Variants in TENM1 observed in about 807,000 individuals in gnomAD.
TENM1 encodes the protein teneurin-1.
TENM1 carries 35 observed loss-of-function variants against 174.8 expected under a neutral mutation model. The ratio of observed to expected loss-of-function variants is 0.20; its 90% CI spans 0.15 to 0.27. The LOEUF is 0.27. Ranked by LOEUF, TENM1 falls within the 10% of genes least tolerant of loss-of-function variation. TENM1 has a pLI of 1.00. For synonymous variants in TENM1, 781 were observed against 798.7 expected (o/e 0.98, Z 0.37); for missense variants, 1,633 against 2,130.1 (o/e 0.77, Z 4.59).
intron 11 of TENM1, among the ~76,000 whole-genome samples, chrX:124,608,700 A>G (rs2050214191): frequency 9.0e-6 from 1 of 111,070 alleles, no homozygotes; most frequent in Admixed American, 9.6e-5. Context: ...TTTGAGCAGA[A>G]GAGAAATCTC....
chrX:125,169,011 C>T, the TENM1 span, among the ~76,000 whole-genome samples: 8 of 110,414 alleles, frequency 7.2e-5, no homozygotes, highest in South Asian at 1.1e-3. Context: ...TGTGTGCGCA[C>T]GCAGATCATA....
At chrX:125,150,204 A>T in the TENM1 span, among the ~76,000 whole-genome samples, 2 of 112,126 alleles carry the variant, frequency 1.8e-5, no homozygotes. Context: ...CATGCAGACT[A>T]CGCTTACATG....
intron 3 of TENM1, among the ~76,000 whole-genome samples, chrX:124,777,182 C>T (rs2054805077): frequency 9.0e-6 from 1 of 111,357 alleles, no homozygotes; most frequent in Non-Finnish European, 1.9e-5. Context: ...AAATAAAACT[C>T]CTGTATACTA....
At chrX:124,794,498 T>G (rs1435861036) in intron 3 of TENM1, among the ~76,000 whole-genome samples, 1 of 111,245 alleles carries the variant, frequency 9.0e-6, no homozygotes, top group Non-Finnish European at 1.9e-5. Context: ...CACATTCTAT[T>G]GGTTTCCTTC....
At chrX:125,120,707 T>C in the TENM1 span, among the ~76,000 whole-genome samples, 11 of 111,799 alleles carry the variant, frequency 9.8e-5, no homozygotes, top group South Asian at 2.6e-3. Flanking sequence ...TCATAATTAT[T>C]GACATCATCT....
chrX:124,760,480 C>T (rs971401524), intron 3 of TENM1, among the ~76,000 whole-genome samples: 37 of 111,266 alleles, frequency 3.3e-4, no homozygotes, highest in African/African-American at 1.2e-3. Flanking sequence ...AGGAGTGGTG[C>T]GAGAGGGCAT....
chrX:124,613,647 C>A (rs2050329964), intron 11 of TENM1, among the ~76,000 whole-genome samples: 1 of 111,318 alleles, frequency 9.0e-6, no homozygotes, highest in Admixed American at 9.6e-5. Context: ...TTGGTAATAT[C>A]TCATTTGATA....
chrX:124,536,846 C>T (rs2048216821), intron 15 of TENM1, among the ~76,000 whole-genome samples: 1 of 111,904 alleles, frequency 8.9e-6, no homozygotes, highest in African/African-American at 3.2e-5. Context: ...GCTTGTTCTA[C>T]ACATGACTCA....
chrX:124,465,764 C>T (rs1233043851), intron 22 of TENM1, among the ~76,000 whole-genome samples: 2 of 109,958 alleles, frequency 1.8e-5, no homozygotes, highest in Non-Finnish European at 3.8e-5. Context: ...TGCGAATCCC[C>T]GTGGTATTTA....
At chrX:124,524,708 G>A (rs144272296) in intron 16 of TENM1, among the ~76,000 whole-genome samples, 1 of 111,805 alleles carries the variant, frequency 8.9e-6, no homozygotes, top group East Asian at 2.8e-4. Context: ...AGCCAGCTCT[G>A]TCTATCTCTA....
chrX:124,380,325 C>T (rs1231807290), exon 32 of TENM1: 2 of 361,349 alleles, frequency 5.5e-6, no homozygotes, highest in Non-Finnish European at 9.3e-6. Flanking sequence ...TTGAATACTG[C>T]CACACAAGAA....
At position 124,738,083 on chromosome X, in the gene TENM1, AC is replaced by A. The variant is rs2053718863; in HGVS notation, c.536-887del. ...GGCCCATGAGAAATACCTCAATTAAACCCCTTTAAAAAGAAATCACTATTGT... is the reference window on the plus strand; with the variant it reads ...GGCCCATGAGAAATACCTCAATTAAACCCTTTAAAAAGAAATCACTATTGT... On this transcript the variant is annotated intron_variant, in intron 3 of 31. Transcript: ENST00000422452. Among the ~76,000 whole-genome samples the A allele has an allele frequency of 8.1e-5, 9 of 111,440 alleles. No individual in the cohort carries two copies. The South Asian group carries it at 3.4e-3, about 42-fold the overall frequency.
chrX:125,129,184 T>C, the TENM1 span, among the ~76,000 whole-genome samples: 1 of 112,092 alleles, frequency 8.9e-6, no homozygotes, highest in African/African-American at 3.2e-5. Context: ...CTCAGACGTC[T>C]AGACTCCAGA....
chrX:125,058,984 TCATCA>T, the TENM1 span, among the ~76,000 whole-genome samples: 11 of 92,503 alleles, frequency 1.2e-4, no homozygotes, highest in Non-Finnish European at 1.8e-4. Flanking sequence ...ATTTTCATCA[TCATCA>T]CACACACACA....
chrX:124,583,679 G>A (rs1417967869), intron 11 of TENM1, among the ~76,000 whole-genome samples: 1 of 112,400 alleles, frequency 8.9e-6, no homozygotes, highest in African/African-American at 3.2e-5. Flanking sequence ...GAACAAAGCT[G>A]GATGGAGAAT....
intron 15 of TENM1, among the ~76,000 whole-genome samples, chrX:124,545,736 T>C (rs1423852860): frequency 9.0e-6 from 1 of 111,695 alleles, no homozygotes; most frequent in Admixed American, 9.5e-5. Flanking sequence ...CTGGAAGAAA[T>C]ACTTCAAAAT....
chrX:124,563,053 A>T (rs1299186141), intron 13 of TENM1, among the ~76,000 whole-genome samples: 1 of 112,059 alleles, frequency 8.9e-6, no homozygotes, highest in Non-Finnish European at 1.9e-5. Flanking sequence ...ATGGCATATG[A>T]TAAACATACA....
upstream of TENM1, among the ~76,000 whole-genome samples, chrX:124,967,217 C>A (rs1211963175): frequency 9.0e-6 from 1 of 111,023 alleles, no homozygotes; most frequent in Non-Finnish European, 1.9e-5. Flanking sequence ...ATAACATGAT[C>A]TTCAGGAGAT....
chrX:124,688,192 T>TTCCTC (rs1205994764), intron 5 of TENM1, among the ~76,000 whole-genome samples: 73 of 105,565 alleles, frequency 6.9e-4, no homozygotes, highest in Non-Finnish European at 2.7e-4. Context: ...TACTTCAAGA[T>TTCCTC]TCCTCTCCTC....
Sources: allele counts gnomAD v4.1 joint callset (sites outside exome capture counted in the v4.1 genomes callset), GRCh38; gene constraint gnomAD v4.1.1; transcripts MANE v1.5; gene names NCBI Gene and HGNC (gene_info 2026-07-23, HGNC 2026-07-21).